The following DOCK2 variants were observed in gnomAD, a reference collection of about 807,000 sequenced individuals.
DOCK2 encodes the protein dedicator of cytokinesis 2.
A neutral mutation model predicts 248.9 loss-of-function variants in DOCK2; 87 were observed. The observed-to-expected ratio is 0.35, with a 90% CI of 0.29 to 0.42. The LOEUF (loss-of-function observed/expected upper bound fraction) is 0.42. Among genes scored for constraint, DOCK2 ranks in the 10% least tolerant of loss-of-function variants. The pLI is 1.00. For missense variants in DOCK2, 1,747 were observed against 2,300.2 expected, an observed-to-expected ratio of 0.76 and a Z score of 4.92; for synonymous variants, 805 against 821.6, an observed-to-expected ratio of 0.98 and a Z score of 0.35.
In DOCK2 at chr5:169,988,953, A is replaced by G. The variant is rs376869379; in HGVS notation, c.2993+3031A>G. Among the ~76,000 whole-genome samples the G allele has an allele frequency of 3.0e-4, 45 of 152,314 alleles. No homozygotes were observed. In the East Asian group the frequency reaches 5.0e-3, roughly 17 times the overall value. ...TTCTCCAAAAAGGTGCAACTTATTC[A>G]TGTGGTCAGGGCCAACTTCACTTGT... On this transcript the variant is annotated intron_variant, in intron 29 of 51. Coordinates refer to ENST00000520908, the MANE Select transcript of DOCK2 (RefSeq NM_004946.3).
intron 44 of DOCK2, among the ~76,000 whole-genome samples, chr5:170,059,177 C>T (rs1208754760): frequency 6.6e-6 from 1 of 150,414 alleles, no homozygotes; most frequent in Non-Finnish European, 1.5e-5. Context: ...GAAGAGCCCA[C>T]CCCAGCCCAC....
chr5:169,956,443 G>A (rs534813705), intron 27 of DOCK2, among the ~76,000 whole-genome samples: 1 of 152,296 alleles, frequency 6.6e-6, no homozygotes, highest in South Asian at 2.1e-4. Context: ...AAAGATTACT[G>A]CAGCGACTTT....
At chr5:170,024,018 A>T (rs541852934) in intron 33 of DOCK2, among the ~76,000 whole-genome samples, 1 of 152,348 alleles carries the variant, frequency 6.6e-6, no homozygotes, top group African/African-American at 2.4e-5. Context: ...CACGAGGCCC[A>T]TATCAGGCCA....
At chr5:169,664,262 G>A (rs1004005743) in intron 2 of DOCK2, among the ~76,000 whole-genome samples, 1 of 152,172 alleles carries the variant, frequency 6.6e-6, no homozygotes, top group Non-Finnish European at 1.5e-5. Flanking sequence ...ATTTCCATCT[G>A]AGAGCACCTC....
chr5:170,075,992 T>G lies in DOCK2; in HGVS notation c.4774T>G (p.Ser1592Ala). The change falls in exon 47 of 52, where the codon TCA (serine) becomes GCA (alanine). Residue 1592 changes from serine to alanine, a missense_variant. Physicochemically the swap from Ser to Ala is moderately conservative, Grantham distance 99. Around this residue, in one of 4 missense-constraint regions of DOCK2, gnomAD observed 513 missense variants for 586.1 expected, o/e 0.88. Coordinates refer to ENST00000520908, the MANE Select transcript of DOCK2 (RefSeq NM_004946.3). ...GATTAAGATCCATGAGAAAAGGGTG[T>G]CAGATAACTTGCGACCCTTCCATGA... The part of the protein sequence containing the change: ...AGIKIHEKRV[S>A]DNLRPFHDRM... The G allele has an allele frequency of 2.5e-6, 4 of 1,614,122 alleles. No individual in the cohort carries two copies. The highest frequency in any genetic ancestry group is 3.4e-6 in the Non-Finnish European group (4 of 1,180,026).
At chr5:169,810,492 A>G (rs1341682599) in intron 26 of DOCK2, among the ~76,000 whole-genome samples, 1 of 152,234 alleles carries the variant, frequency 6.6e-6, no homozygotes, top group African/African-American at 2.4e-5. Context: ...TCTTGGGCGC[A>G]GCAAAGCAGT....
intron 27 of DOCK2, among the ~76,000 whole-genome samples, chr5:169,968,596 G>T (rs540463448): frequency 6.6e-6 from 1 of 152,300 alleles, no homozygotes; most frequent in Non-Finnish European, 1.5e-5. Flanking sequence ...TTGTGAGATG[G>T]TTTTTGTTTT....
intron 27 of DOCK2, among the ~76,000 whole-genome samples, chr5:169,959,902 T>C (rs1777015705): frequency 6.6e-6 from 1 of 152,340 alleles, no homozygotes; most frequent in Non-Finnish European, 1.5e-5. Context: ...TTCAGAGAGC[T>C]GAGCCTGCAA....
intron 22 of DOCK2, among the ~76,000 whole-genome samples, chr5:169,746,388 G>A (rs2113685465): frequency 6.6e-6 from 1 of 152,264 alleles, no homozygotes; most frequent in South Asian, 2.1e-4. Context: ...CCTGCTCTGT[G>A]GTTGAGGAGC....
intron 33 of DOCK2, among the ~76,000 whole-genome samples, chr5:170,026,064 C>G (rs569365398): frequency 1.3e-5 from 2 of 152,004 alleles, no homozygotes; most frequent in East Asian, 1.9e-4. Flanking sequence ...GGCAACTCAC[C>G]GGAAATTCTT....
intron 2 of DOCK2, 101 bp from the exon 3 acceptor site, chr5:169,669,187 A>C (rs1758899214): frequency 7.1e-7 from 1 of 1,407,180 alleles, no homozygotes; most frequent in African/African-American, 1.4e-5. Flanking sequence ...AGCAATTTGC[A>C]GTAGTTTTAC....
Position 170,077,716 on chromosome 5 carries a change from T to A in DOCK2, c.4873T>A (p.Phe1625Ile). Residue 1625 changes from phenylalanine (F) to isoleucine (I), a missense_variant, in exon 48 of 52, where the codon TTT (phenylalanine) becomes ATT (isoleucine). By Grantham distance (21) the Phe-to-Ile change is conservative. This residue lies in a region of DOCK2 where 513 missense variants were observed against 586.1 expected (regional missense o/e 0.88). Transcript: ENST00000520908. Reference protein sequence around the residue: ...KEYGVREMPDFDDRRVGRPRS... With the variant: ...KEYGVREMPDIDDRRVGRPRS... ...CCCTGTTCTCCCACCACAGCCTGAC[T>A]TTGACGACAGGAGAGTGGGCCGTCC... The A allele has an allele frequency of 6.2e-7, 1 of 1,613,744 alleles. No individual in the cohort carries two copies. The highest frequency in any genetic ancestry group is 8.5e-7 in the Non-Finnish European group (1 of 1,179,846).
chr5:170,051,591 C>T (rs1368536599), intron 41 of DOCK2, among the ~76,000 whole-genome samples: 3 of 152,152 alleles, frequency 2.0e-5, no homozygotes, highest in African/African-American at 4.8e-5. Flanking sequence ...TCTCAAGCTC[C>T]GTTTTCTTTG....
At chr5:170,080,974 G>A (rs1758010839) in intron 50 of DOCK2, 1 of 152,618 alleles carries the variant, frequency 6.6e-6, no homozygotes, top group Non-Finnish European at 1.5e-5. Context: ...GCCGATCATG[G>A]TGAAGACGCT....
rs191925679 is a variant in DOCK2 at position 169,685,277 on chromosome 5, G to A, written c.761+927G>A. Among the ~76,000 whole-genome samples the A allele has an allele frequency of 2.2e-3, 339 of 152,300 alleles. 1 individual carries two copies. Among genetic ancestry groups the A allele is most frequent in the African/African-American group, 7.1e-3 (294 of 41,556 alleles). The stretch of plus-strand genomic sequence containing the variant: ...TAATAAGTTGTTCTTGGGAATGGAG[G>A]AAGTGAGGGAACTTCTGGGTGCCTC... On this transcript the variant is annotated intron_variant, in intron 8 of 51. Coordinates refer to ENST00000520908, the MANE Select transcript of DOCK2 (RefSeq NM_004946.3).
intron 22 of DOCK2, among the ~76,000 whole-genome samples, chr5:169,728,706 T>A (rs1213680928): frequency 1.3e-5 from 2 of 152,212 alleles, no homozygotes; most frequent in African/African-American, 4.8e-5. Context: ...TGAAGTGCAT[T>A]TGATTTCCTC....
chr5:169,916,959 C>T (rs534207810), intron 27 of DOCK2, among the ~76,000 whole-genome samples: 5 of 152,240 alleles, frequency 3.3e-5, no homozygotes, highest in East Asian at 1.9e-4. Context: ...AAATAGCCAT[C>T]GTCATTACTC....
chr5:170,016,452 G>A (rs1188257287), intron 32 of DOCK2, among the ~76,000 whole-genome samples: 1 of 152,176 alleles, frequency 6.6e-6, no homozygotes, highest in Admixed American at 6.5e-5. Flanking sequence ...AATCCAATGT[G>A]CTGAAATTCC....
At chr5:170,074,177 G>T (rs990518705) in intron 46 of DOCK2, among the ~76,000 whole-genome samples, 2 of 151,992 alleles carry the variant, frequency 1.3e-5, no homozygotes, top group Non-Finnish European at 2.9e-5. Flanking sequence ...ATGAATGAAG[G>T]ATCTTTTCTG....
Sources: allele counts gnomAD v4.1 joint callset (sites outside exome capture counted in the v4.1 genomes callset), GRCh38; gene constraint gnomAD v4.1.1; regional missense constraint gnomAD v4.1.1; transcripts MANE v1.5; gene names NCBI Gene and HGNC (gene_info 2026-07-23, HGNC 2026-07-21).